PPFIA2: variants seen among roughly 807,000 people sequenced by gnomAD.
The protein encoded by PPFIA2 is PPFI scaffold protein A2, also known as liprin-alpha-2.
PPFIA2 carries 46 observed loss-of-function variants against 175.5 expected under a neutral mutation model. That is an observed-to-expected ratio of 0.26 (90% CI 0.21 to 0.34). PPFIA2 has a LOEUF of 0.34. PPFIA2 is among the 10% of genes least tolerant of loss of function. The probability of loss-of-function intolerance (pLI) is 1.00; values close to 1 mark genes in which losing one functional copy is unlikely to be tolerated. For synonymous variants in PPFIA2, 568 were observed against 511.4 expected, an observed-to-expected ratio of 1.11 and a Z score of -1.49; for missense variants, 1,179 against 1,506.1, an observed-to-expected ratio of 0.78 and a Z score of 3.60.
At chr12:81,548,833 C>A (rs948727102) in intron 4 of PPFIA2, among the ~76,000 whole-genome samples, 8 of 152,010 alleles carry the variant, frequency 5.3e-5, no homozygotes, top group Non-Finnish European at 1.0e-4. Context: ...AAATGTTAAG[C>A]AAATTTTATT....
intron 4 of PPFIA2, among the ~76,000 whole-genome samples, chr12:81,564,845 G>T (rs1490855177): frequency 1.3e-5 from 2 of 152,124 alleles, no homozygotes; most frequent in Admixed American, 1.3e-4. Context: ...TGCTAAGACT[G>T]CCCTGAGTGA....
At chr12:81,436,466 T>TA (rs2049066986) in intron 7 of PPFIA2, among the ~76,000 whole-genome samples, 7 of 152,118 alleles carry the variant, frequency 4.6e-5, no homozygotes, top group African/African-American at 1.7e-4. Context: ...GCTCTTTTTT[T>TA]AAAAACTATC....
chr12:81,436,746 A>G (rs1430051289), intron 7 of PPFIA2, among the ~76,000 whole-genome samples: 1 of 152,150 alleles, frequency 6.6e-6, no homozygotes, highest in Admixed American at 6.5e-5. Context: ...CTCTTTTCTA[A>G]TTACTCTCTT....
chr12:81,315,768 A>G (rs1422036603), intron 22 of PPFIA2, among the ~76,000 whole-genome samples: 1 of 151,696 alleles, frequency 6.6e-6, no homozygotes, highest in East Asian at 1.9e-4. Flanking sequence ...ACTGCTTAAA[A>G]TTCCTACTTA....
At chr12:81,293,272 T>C (rs1311435046) in intron 24 of PPFIA2, among the ~76,000 whole-genome samples, 4 of 152,032 alleles carry the variant, frequency 2.6e-5, no homozygotes, top group Admixed American at 2.6e-4. Flanking sequence ...AATTAAATAC[T>C]ATTTGGGAGT....
intron 18 of PPFIA2, among the ~76,000 whole-genome samples, chr12:81,346,275 C>A (rs931395243): frequency 1.3e-5 from 2 of 151,858 alleles, no homozygotes; most frequent in African/African-American, 4.8e-5. Context: ...TTAAATTAGG[C>A]AAATTTGTGG....
intron 4 of PPFIA2, among the ~76,000 whole-genome samples, chr12:81,656,710 A>G (rs2067848295): frequency 1.3e-5 from 2 of 151,900 alleles, no homozygotes; most frequent in African/African-American, 4.8e-5. Context: ...CAGAGAATTT[A>G]TTATATAAAT....
intron 25 of PPFIA2, 122 bp downstream of exon 25, chr12:81,284,119 C>G (rs1300932424): frequency 4.1e-6 from 3 of 724,924 alleles, no homozygotes; most frequent in Non-Finnish European, 7.0e-6. Flanking sequence ...TGTTAGTTAT[C>G]ATTGCATGTA....
At chr12:81,342,176 A>T (rs1291369168) in intron 19 of PPFIA2, among the ~76,000 whole-genome samples, 3 of 152,128 alleles carry the variant, frequency 2.0e-5, no homozygotes, top group Non-Finnish European at 4.4e-5. Flanking sequence ...CCATTTTGTC[A>T]GAGATGAAGA....
At chr12:81,530,335 G>T (rs2153276489) in intron 4 of PPFIA2, among the ~76,000 whole-genome samples, 1 of 152,014 alleles carries the variant, frequency 6.6e-6, no homozygotes, top group African/African-American at 2.4e-5. Context: ...CTGAAAATTT[G>T]GAGCTTCAAG....
chr12:81,743,525 A>ATT (rs1568098302), intron 3 of PPFIA2, among the ~76,000 whole-genome samples: 2 of 146,826 alleles, frequency 1.4e-5, no homozygotes, highest in Non-Finnish European at 3.0e-5. Context: ...CTTTTTTTAA[A>ATT]AAAAAAAGAG....
chr12:81,425,137 G>C (rs968976194), intron 7 of PPFIA2, among the ~76,000 whole-genome samples: 1 of 152,002 alleles, frequency 6.6e-6, no homozygotes, highest in Non-Finnish European at 1.5e-5. Flanking sequence ...TTAGATAATC[G>C]CAAGATCTCA....
At position 81,730,401 on chromosome 12, in the gene PPFIA2, G is replaced by A. The variant is rs546219425; in HGVS notation, c.249+23572C>T. On this transcript the variant is annotated intron_variant, in intron 3 of 32. Transcript: ENST00000549396. The stretch of plus-strand genomic sequence containing the variant: ...GCCTCAGGAAATTTACTATCATGGC[G>A]GAAGGCAAAAGAGAAGCAGGTAACT... Among the ~76,000 whole-genome samples, 7 of 151,670 alleles carry A rather than the reference G, an allele frequency of 4.6e-5. No individual in the cohort carries two copies. In the South Asian group the frequency reaches 6.2e-4, roughly 13 times the overall value.
chr12:81,632,082 T>C (rs1233773688), intron 4 of PPFIA2, among the ~76,000 whole-genome samples: 1 of 152,206 alleles, frequency 6.6e-6, no homozygotes, highest in Non-Finnish European at 1.5e-5. Context: ...TTTTTAAATA[T>C]ACTTCTTATC....
chr12:81,653,636 C>A (rs1003977701), intron 4 of PPFIA2, among the ~76,000 whole-genome samples: 1 of 151,998 alleles, frequency 6.6e-6, no homozygotes, highest in East Asian at 1.9e-4. Flanking sequence ...ATTTCAAGAT[C>A]TTTAACTAAT....
chr12:81,329,732 G>T (rs765271442), intron 21 of PPFIA2, among the ~76,000 whole-genome samples: 4 of 152,212 alleles, frequency 2.6e-5, no homozygotes, highest in Non-Finnish European at 5.9e-5. Flanking sequence ...AAACCCTGAA[G>T]GGGAGAAACA....
At chr12:81,607,822 C>T (rs537671078) in intron 4 of PPFIA2, among the ~76,000 whole-genome samples, 10 of 152,018 alleles carry the variant, frequency 6.6e-5, no homozygotes, top group African/African-American at 1.4e-4. Context: ...TAAGACTTCT[C>T]GTATTATGTC....
intron 4 of PPFIA2, among the ~76,000 whole-genome samples, chr12:81,583,140 G>C (rs191040219): frequency 1.1e-4 from 16 of 151,876 alleles, no homozygotes; most frequent in Admixed American, 5.3e-4. Flanking sequence ...ACACATCTAT[G>C]CTTCCAATTG....
chr12:81,431,793 C>T (rs2048141302), intron 7 of PPFIA2, among the ~76,000 whole-genome samples: 1 of 152,084 alleles, frequency 6.6e-6, no homozygotes, highest in Non-Finnish European at 1.5e-5. Context: ...AATCACATCT[C>T]TTCTCTTCCT....
Sources: gnomAD v4.1 joint callset for allele counts (sites outside exome capture counted in the v4.1 genomes callset) on GRCh38, gnomAD v4.1.1 for gene constraint, MANE v1.5 for transcripts, NCBI Gene and HGNC (gene_info 2026-07-23, HGNC 2026-07-21) for gene names.